Variants in ATG10 observed in about 807,000 individuals in gnomAD.
ATG10 encodes autophagy related 10, also known as ubiquitin-like-conjugating enzyme ATG10.
Under a neutral mutation model 32.1 loss-of-function variants are expected in ATG10, and 30 were observed. The ratio of observed to expected loss-of-function variants is 0.94; its 90% CI spans 0.70 to 1.27. The LOEUF (loss-of-function observed/expected upper bound fraction) is 1.27, where lower values mean the gene tolerates loss of function less well. Ranked by LOEUF, ATG10 falls within the 50% of genes most tolerant of loss-of-function variation. ATG10 has a pLI of 0.00. For missense variants in ATG10, 233 were observed against 262.3 expected (o/e 0.89, Z 0.77); for synonymous variants, 87 against 91.5 (o/e 0.95, Z 0.28).
chr5:82,057,067 T>C (rs1763626743), intron 2 of ATG10, among the ~76,000 whole-genome samples: 2 of 152,174 alleles, frequency 1.3e-5, no homozygotes, highest in South Asian at 4.1e-4. Flanking sequence ...GATGGCCTAC[T>C]TTCCAGGCAG....
At chr5:82,005,154 T>C (rs1761957694) in intron 2 of ATG10, among the ~76,000 whole-genome samples, 3 of 152,136 alleles carry the variant, frequency 2.0e-5, no homozygotes, top group Admixed American at 2.0e-4. Context: ...TCTTCAAATG[T>C]GTTGAATATG....
intron 3 of ATG10, among the ~76,000 whole-genome samples, chr5:82,109,956 C>CCA (rs397808385): frequency 6.6e-6 from 1 of 150,704 alleles, no homozygotes; most frequent in East Asian, 2.0e-4. Flanking sequence ...CCCATCCCCC[C>CCA]ACCCCACAAT....
chr5:81,987,574 G>A lies in ATG10; in HGVS notation c.4G>A (p.Glu2Lys). The A allele has an allele frequency of 6.2e-7, 1 of 1,602,296 alleles. No individual in the cohort carries two copies. The highest frequency in any genetic ancestry group is 1.1e-5 in the South Asian group (1 of 88,938). ...TGTATTGCAGTTATCATTTAACATG[G>A]AAGAAGATGAGTTCATTGGAGAAAA... M[E>K]EDEFIGEKTF... is the part of the protein sequence containing the mutation. The change falls in exon 2 of 8, where the codon GAA becomes AAA. Residue 2 changes from glutamate (E) to lysine (K), a missense_variant. By Grantham distance (56) the Glu-to-Lys change is moderately conservative. Coordinates refer to ENST00000282185, the MANE Select transcript of ATG10 (RefSeq NM_031482.5).
intron 2 of ATG10, among the ~76,000 whole-genome samples, chr5:82,027,560 T>C (rs923593671): frequency 6.6e-6 from 1 of 152,244 alleles, no homozygotes; most frequent in Non-Finnish European, 1.5e-5. Flanking sequence ...AACATTTTAA[T>C]GAATGCAGAA....
At chr5:81,987,754 A>T in intron 2 of ATG10, 76 bp downstream of exon 2, 1 of 1,055,688 alleles carries the variant, frequency 9.5e-7, no homozygotes, top group Non-Finnish European at 1.4e-6. Context: ...GTTGACAGGT[A>T]AAACCTCCAT....
At position 82,115,058 on chromosome 5, in the gene ATG10, G is replaced by A. The variant is rs1180390729; in HGVS notation, c.217-49341G>A. ...TGACTAGTGGCTATTATATTGAAAA[G>A]CACAGTTTTAGAGGTTTGTATTGAA... On this transcript the variant is annotated intron_variant, in intron 3 of 7. Coordinates refer to ENST00000282185, the MANE Select transcript of ATG10 (RefSeq NM_031482.5). Among the ~76,000 whole-genome samples the A allele has an allele frequency of 2.6e-5, 4 of 152,002 alleles. No individual in the cohort carries two copies. The South Asian group carries it at 8.3e-4, about 31-fold the overall frequency.
chr5:82,032,559 T>C (rs887816868), intron 2 of ATG10, among the ~76,000 whole-genome samples: 4 of 152,030 alleles, frequency 2.6e-5, no homozygotes, highest in Non-Finnish European at 4.4e-5. Flanking sequence ...TACAAAAATT[T>C]GCATTCATAT....
chr5:82,052,483 C>G (rs181177324), intron 2 of ATG10, among the ~76,000 whole-genome samples: 1 of 152,216 alleles, frequency 6.6e-6, no homozygotes, highest in Non-Finnish European at 1.5e-5. Context: ...AGATTGGAAT[C>G]TACTCTGGCA....
intron 2 of ATG10, among the ~76,000 whole-genome samples, chr5:82,015,721 C>T (rs1259115503): frequency 1.3e-5 from 2 of 152,142 alleles, no homozygotes; most frequent in Non-Finnish European, 2.9e-5. Flanking sequence ...TCCAGTTAGC[C>T]ATTCATCTAA....
intron 3 of ATG10, among the ~76,000 whole-genome samples, chr5:82,075,823 T>C (rs1379637467): frequency 6.6e-6 from 1 of 152,020 alleles, no homozygotes; most frequent in Non-Finnish European, 1.5e-5. Context: ...TAATTTCAGC[T>C]ACTCGGGAGG....
At chr5:82,206,018 C>G (rs1561356795) in intron 5 of ATG10, among the ~76,000 whole-genome samples, 1 of 152,168 alleles carries the variant, frequency 6.6e-6, no homozygotes, top group Non-Finnish European at 1.5e-5. Flanking sequence ...GAACTGAAAT[C>G]TTGAGAATAG....
chr5:82,136,125 C>T (rs181759061), intron 3 of ATG10, among the ~76,000 whole-genome samples: 5 of 152,200 alleles, frequency 3.3e-5, no homozygotes, highest in East Asian at 1.9e-4. Context: ...TGTCTTTGCA[C>T]GTGAGATGGG....
rs145301333 is a variant in ATG10 at position 82,194,510 on chromosome 5, A to T, written c.453+15923A>T. Among the ~76,000 whole-genome samples the T allele has an allele frequency of 2.3e-4, 35 of 152,280 alleles. No individual in the cohort carries two copies. The East Asian group carries it at 6.6e-3, about 29-fold the overall frequency. ...AACAGGTCTATATTTTAAGAGAGTT[A>T]TCGGGAATATGTAAGTCCATTTTGT... is the stretch of plus-strand genomic sequence containing the variant. On this transcript the variant is annotated intron_variant, in intron 5 of 7. Transcript: ENST00000282185.
intron 5 of ATG10, among the ~76,000 whole-genome samples, chr5:82,186,957 C>T (rs1301239417): frequency 6.6e-6 from 1 of 152,042 alleles, no homozygotes; most frequent in Non-Finnish European, 1.5e-5. Context: ...TTTGGGGAAA[C>T]AAAAGCACAT....
chr5:82,241,020 T>C (rs893847291), intron 5 of ATG10, among the ~76,000 whole-genome samples: 2 of 152,296 alleles, frequency 1.3e-5, no homozygotes, highest in Non-Finnish European at 2.9e-5. Context: ...ATAGCCCACA[T>C]TGATGGCTGA....
intron 2 of ATG10, among the ~76,000 whole-genome samples, chr5:82,007,735 A>G (rs1415033734): frequency 2.0e-5 from 3 of 152,180 alleles, no homozygotes; most frequent in African/African-American, 4.8e-5. Flanking sequence ...GATTACAGCC[A>G]TGAACCACTG....
chr5:82,201,029 C>A (rs1027311192), intron 5 of ATG10, among the ~76,000 whole-genome samples: 3 of 151,830 alleles, frequency 2.0e-5, no homozygotes, highest in Admixed American at 2.0e-4. Flanking sequence ...GGACCACAGG[C>A]ACCTGCCACC....
chr5:82,085,913 A>G (rs902898204), intron 3 of ATG10, among the ~76,000 whole-genome samples: 7 of 152,148 alleles, frequency 4.6e-5, no homozygotes, highest in African/African-American at 1.4e-4. Flanking sequence ...TTTATTTGTG[A>G]ATTGATTGTG....
chr5:82,182,427 G>T (rs541196768), intron 5 of ATG10, among the ~76,000 whole-genome samples: 2 of 151,858 alleles, frequency 1.3e-5, no homozygotes, highest in African/African-American at 2.4e-5. Context: ...ATGAATGTTC[G>T]TATCAGTTTT....
Sources: gnomAD v4.1 joint callset for allele counts (sites outside exome capture counted in the v4.1 genomes callset) on GRCh38, gnomAD v4.1.1 for gene constraint, MANE v1.5 for transcripts, NCBI Gene and HGNC (gene_info 2026-07-23, HGNC 2026-07-21) for gene names.